Variants in MYZAP observed in about 807,000 individuals in gnomAD.
MYZAP encodes the protein GRINL1A complex locus upstream.
In MYZAP, 66 loss-of-function variants were observed where a neutral mutation model predicts 69.4. That is an observed-to-expected ratio of 0.95 (90% CI 0.78 to 1.17). The LOEUF is 1.17. Among genes scored for constraint, MYZAP ranks in the 50% most tolerant of loss-of-function variants. MYZAP has a pLI of 0.00. For synonymous variants in MYZAP, 256 were observed against 205.9 expected (o/e 1.24, Z -2.09); for missense variants, 611 against 556.2 (o/e 1.10, Z -0.99).
chr15:57,647,090 C>T (rs2140492216), intron 10 of MYZAP: 1 of 985,354 alleles, frequency 1.0e-6, no homozygotes, highest in South Asian at 4.7e-5. Flanking sequence ...CAGACGTTGG[C>T]TAGTTCTCCA....
At chr15:57,606,528 T>TAGAG (rs1461066479) in intron 2 of MYZAP, among the ~76,000 whole-genome samples, 3 of 130,594 alleles carry the variant, frequency 2.3e-5, no homozygotes, top group African/African-American at 8.7e-5. Context: ...ATATAAAAGA[T>TAGAG]AGAGCACATG....
At chr15:57,594,174 G>A (rs1395329610) in intron 1 of MYZAP, among the ~76,000 whole-genome samples, 1 of 152,218 alleles carries the variant, frequency 6.6e-6, no homozygotes, top group Non-Finnish European at 1.5e-5. Flanking sequence ...GGAGTGCCAT[G>A]GCACGATCTC....
intron 1 of MYZAP, among the ~76,000 whole-genome samples, chr15:57,593,934 C>G (rs139394104): frequency 6.6e-6 from 1 of 152,290 alleles, no homozygotes; most frequent in Non-Finnish European, 1.5e-5. Context: ...ATTGAACATT[C>G]ATAAACCTTT....
chr15:57,638,263 C>A (rs117696258), intron 9 of MYZAP, among the ~76,000 whole-genome samples: 1 of 152,192 alleles, frequency 6.6e-6, no homozygotes, highest in Non-Finnish European at 1.5e-5. Flanking sequence ...TGCAGAGAGG[C>A]CATTCAGGGG....
intron 12 of MYZAP, among the ~76,000 whole-genome samples, chr15:57,676,237 A>G (rs550831292): frequency 4.6e-5 from 7 of 152,058 alleles, no homozygotes; most frequent in Admixed American, 4.6e-4. Context: ...TATTACTGGT[A>G]TTGTCATTTT....
At chr15:57,662,241 G>A (rs2038347530) in intron 11 of MYZAP, among the ~76,000 whole-genome samples, 1 of 152,194 alleles carries the variant, frequency 6.6e-6, no homozygotes, top group Admixed American at 6.5e-5. Context: ...TTAGAGCTTG[G>A]CATTGAGCCT....
At chr15:57,670,728 A>G (rs1459410329) in intron 11 of MYZAP, among the ~76,000 whole-genome samples, 1 of 151,942 alleles carries the variant, frequency 6.6e-6, no homozygotes, top group African/African-American at 2.4e-5. Flanking sequence ...TAAAAATACC[A>G]TTTTAAGTTA....
At chr15:57,627,528 C>T (rs1163313439) in intron 5 of MYZAP, among the ~76,000 whole-genome samples, 1 of 152,160 alleles carries the variant, frequency 6.6e-6, no homozygotes, top group Non-Finnish European at 1.5e-5. Context: ...GAGGACCACT[C>T]GAGTACCTGG....
intron 5 of MYZAP, among the ~76,000 whole-genome samples, chr15:57,628,861 G>A (rs2036315834): frequency 6.6e-6 from 1 of 151,994 alleles, no homozygotes; most frequent in African/African-American, 2.4e-5. Flanking sequence ...GAGTCAGGTG[G>A]ATCACGAGGT....
At chr15:57,675,193 T>G (rs1356475476) in intron 12 of MYZAP, 125 bp downstream of exon 12, 1 of 886,630 alleles carries the variant, frequency 1.1e-6, no homozygotes, top group East Asian at 2.7e-5. Flanking sequence ...CAAAGCCGAG[T>G]GGTGGCTGCT....
At chr15:57,609,142 T>C (rs890371539) in intron 2 of MYZAP, among the ~76,000 whole-genome samples, 1 of 152,090 alleles carries the variant, frequency 6.6e-6, no homozygotes, top group South Asian at 2.1e-4. Context: ...CACAGAGAAA[T>C]GAGGTTGAGT....
chr15:57,666,862 C>T (rs765111180), intron 11 of MYZAP, among the ~76,000 whole-genome samples: 10 of 152,046 alleles, frequency 6.6e-5, no homozygotes, highest in South Asian at 2.1e-4. Context: ...AAAAATATGC[C>T]CATTCTTTTT....
chr15:57,639,213 TA>T (rs1267228919), intron 9 of MYZAP, among the ~76,000 whole-genome samples: 5 of 138,376 alleles, frequency 3.6e-5, no homozygotes, highest in Admixed American at 6.9e-5. Context: ...TTTATTTATT[TA>T]TTTTTTTTTT....
At chr15:57,610,337 G>A (rs1329773408) in intron 2 of MYZAP, among the ~76,000 whole-genome samples, 1 of 152,216 alleles carries the variant, frequency 6.6e-6, no homozygotes, top group Non-Finnish European at 1.5e-5. Flanking sequence ...AAAAGCCTTG[G>A]ATGAATAAGC....
chr15:57,616,305 A>T (rs189143825), intron 2 of MYZAP, among the ~76,000 whole-genome samples: 69 of 152,340 alleles, frequency 4.5e-4, no homozygotes, highest in African/African-American at 1.6e-3. Flanking sequence ...ACTTGAGGTC[A>T]GGAATTTGAG....
intron 10 of MYZAP, among the ~76,000 whole-genome samples, chr15:57,660,866 G>A (rs1464375951): frequency 1.3e-5 from 2 of 152,092 alleles, no homozygotes; most frequent in Non-Finnish European, 2.9e-5. Context: ...ATCTTTTTAG[G>A]AAGCCTTTCT....
chr15:57,652,046 T>A (rs1283205118), intron 10 of MYZAP, among the ~76,000 whole-genome samples: 2 of 152,092 alleles, frequency 1.3e-5, no homozygotes. Flanking sequence ...TAGGAAAAAA[T>A]TGATTAAAAT....
intron 2 of MYZAP, among the ~76,000 whole-genome samples, chr15:57,612,036 A>G (rs573633626): frequency 2.6e-5 from 4 of 152,360 alleles, no homozygotes; most frequent in African/African-American, 9.6e-5. Context: ...AGTATGAGTA[A>G]TGACCTGGGC....
chr15:57,637,149 T>C (rs36082771), intron 8 of MYZAP, among the ~76,000 whole-genome samples: 109,290 of 152,126 alleles, frequency 0.72, 39,804 homozygotes, highest in East Asian at 0.87. Context: ...TTTTAAGATC[T>C]TTAACTTAAT....
Sources: gnomAD v4.1 joint callset for allele counts (sites outside exome capture counted in the v4.1 genomes callset) on GRCh38, gnomAD v4.1.1 for gene constraint, MANE v1.5 for transcripts, NCBI Gene and HGNC (gene_info 2026-07-23, HGNC 2026-07-21) for gene names.